DLGAP2: variants seen among roughly 807,000 people sequenced by gnomAD.
DLGAP2 encodes the protein DLG associated protein 2.
DLGAP2 carries 26 observed loss-of-function variants against 100.3 expected under a neutral mutation model. The observed-to-expected ratio is 0.26, with a 90% CI of 0.19 to 0.36. DLGAP2 has a LOEUF of 0.36. Ranked by LOEUF, DLGAP2 falls within the 10% of genes least tolerant of loss-of-function variation. The pLI, the probability that DLGAP2 is intolerant of heterozygous loss-of-function variation, is 1.00. For missense variants in DLGAP2, 1,858 were observed against 1,453.2 expected (o/e 1.28, Z -4.53); for synonymous variants, 886 against 630.1 (o/e 1.41, Z -6.08).
intron 3 of DLGAP2, among the ~76,000 whole-genome samples, chr8:1,425,454 TTAAG>T (rs781561410): frequency 6.6e-5 from 10 of 152,064 alleles, no homozygotes; most frequent in African/African-American, 1.2e-4. Context: ...TGGTACCTGT[TTAAG>T]AAAGAAAGAA....
intron 2 of DLGAP2, among the ~76,000 whole-genome samples, chr8:1,112,731 A>G (rs1356983907): frequency 2.6e-5 from 4 of 152,154 alleles, no homozygotes; most frequent in Non-Finnish European, 2.9e-5. Context: ...ATTGGATCCC[A>G]TTTGTCAATT....
At chr8:1,677,651 C>G (rs1353699276) in intron 11 of DLGAP2, among the ~76,000 whole-genome samples, 3 of 152,192 alleles carry the variant, frequency 2.0e-5, no homozygotes, top group African/African-American at 4.8e-5. Flanking sequence ...TGGTGATCAG[C>G]TATGTGGAAA....
intron 6 of DLGAP2, among the ~76,000 whole-genome samples, chr8:1,567,592 C>T (rs1802454181): frequency 1.3e-5 from 2 of 152,178 alleles, no homozygotes; most frequent in South Asian, 2.1e-4. Flanking sequence ...CCACGGGTCC[C>T]CCAGGATCAT....
intron 6 of DLGAP2, among the ~76,000 whole-genome samples, chr8:1,605,329 CT>C (rs1265617659): frequency 4.6e-5 from 7 of 152,174 alleles, no homozygotes; most frequent in Non-Finnish European, 1.0e-4. Flanking sequence ...TTGATTCGCA[CT>C]TCCGTCGCCA....
chr8:1,090,076 T>C (rs1364635356), intron 2 of DLGAP2, among the ~76,000 whole-genome samples: 2 of 140,546 alleles, frequency 1.4e-5, no homozygotes, highest in African/African-American at 5.4e-5. Context: ...CTGTCTGCAC[T>C]CTGGAGCCCT....
At chr8:843,630 G>T (rs1273649229) in intron 1 of DLGAP2, among the ~76,000 whole-genome samples, 1 of 152,208 alleles carries the variant, frequency 6.6e-6, no homozygotes, top group Non-Finnish European at 1.5e-5. Flanking sequence ...TGGGCTGTCT[G>T]GTCACCTGGT....
chr8:1,157,096 G>A (rs996678456), intron 2 of DLGAP2, among the ~76,000 whole-genome samples: 1 of 152,124 alleles, frequency 6.6e-6, no homozygotes, highest in African/African-American at 2.4e-5. Flanking sequence ...CAGAAGTTTT[G>A]ACAGACTTTG....
intron 3 of DLGAP2, among the ~76,000 whole-genome samples, chr8:1,468,474 G>A (rs1038443195): frequency 4.0e-5 from 6 of 151,430 alleles, no homozygotes; most frequent in Non-Finnish European, 8.8e-5. Context: ...GGTTCACATC[G>A]CATGGATCCG....
intron 2 of DLGAP2, among the ~76,000 whole-genome samples, chr8:926,156 G>A (rs995902611): frequency 1.3e-5 from 2 of 152,130 alleles, no homozygotes; most frequent in African/African-American, 4.8e-5. Flanking sequence ...TGAGCGGCTC[G>A]CCTGTGGTCG....
intron 1 of DLGAP2, among the ~76,000 whole-genome samples, chr8:843,786 A>C (rs1797025498): frequency 6.6e-6 from 1 of 152,238 alleles, no homozygotes. Context: ...ATTTAAAAAG[A>C]AAGCCTTAGA....
intron 1 of DLGAP2, among the ~76,000 whole-genome samples, chr8:804,437 G>A (rs948556863): frequency 3.3e-5 from 5 of 152,178 alleles, no homozygotes; most frequent in African/African-American, 9.6e-5. Flanking sequence ...CACCAGATAC[G>A]TACTTCTGTT....
chr8:808,111 T>C (rs1796302672), intron 1 of DLGAP2, among the ~76,000 whole-genome samples: 1 of 152,218 alleles, frequency 6.6e-6, no homozygotes, highest in Non-Finnish European at 1.5e-5. Context: ...ATGGCGGATG[T>C]GACACCTGCC....
At chr8:1,569,095 C>T (rs1397003641) in intron 6 of DLGAP2, among the ~76,000 whole-genome samples, 1 of 151,478 alleles carries the variant, frequency 6.6e-6, no homozygotes, top group African/African-American at 2.4e-5. Context: ...CTGCCCGTGG[C>T]CCCCATGCCA....
At chr8:994,760 C>T (rs945397987) in intron 2 of DLGAP2, among the ~76,000 whole-genome samples, 8 of 152,158 alleles carry the variant, frequency 5.3e-5, no homozygotes, top group African/African-American at 1.7e-4. Context: ...CAGGTCAGAC[C>T]TGCTCCCTTG....
Position 1,701,548 on chromosome 8 carries a change from G to A in DLGAP2, c.*142G>A, listed in dbSNP as rs1329693650. On this transcript the variant is annotated 3_prime_UTR_variant, in exon 15 of 15. Coordinates refer to ENST00000637795, the MANE Select transcript of DLGAP2 (RefSeq NM_001346810.2). ...GCTCCCCGCGCCCCGGACACAGCGG[G>A]ACGCGGCCGGCGGCCTCAGAGTCCA... is the stretch of plus-strand genomic sequence containing the variant. 1.1e-6 allele frequency: 1 copy of A among 918,146 alleles called. No individual in the cohort carries two copies. Among genetic ancestry groups the A allele is most frequent in the Non-Finnish European group, 1.6e-6 (1 of 629,830 alleles). The allele number at this position is 918,146 out of a possible 1,614,324, so 56.9% of individuals were successfully genotyped here.
intron 2 of DLGAP2, among the ~76,000 whole-genome samples, chr8:1,017,527 T>TGC (rs754957850): frequency 1.4e-5 from 1 of 70,996 alleles, no homozygotes; most frequent in East Asian, 3.6e-4. Flanking sequence ...ACGCCTCCAC[T>TGC]GTGTGTGACC....
intron 4 of DLGAP2, among the ~76,000 whole-genome samples, chr8:1,512,761 A>G (rs1046758199): frequency 7.9e-5 from 12 of 152,246 alleles, no homozygotes; most frequent in African/African-American, 2.9e-4. Context: ...GCTTTGACTT[A>G]TCAATCTAAA....
At chr8:801,764 A>G (rs1357822622) in intron 1 of DLGAP2, among the ~76,000 whole-genome samples, 1 of 152,164 alleles carries the variant, frequency 6.6e-6, no homozygotes, top group Non-Finnish European at 1.5e-5. Flanking sequence ...TAACGTTCAC[A>G]ATAGGCTGTT....
At chr8:1,379,286 G>A (rs748896367) in intron 3 of DLGAP2, among the ~76,000 whole-genome samples, 6 of 152,354 alleles carry the variant, frequency 3.9e-5, no homozygotes, top group East Asian at 1.9e-4. Flanking sequence ...CCACATCTTC[G>A]CTAAGTCACC....
Sources: allele counts gnomAD v4.1 joint callset (sites outside exome capture counted in the v4.1 genomes callset), GRCh38; gene constraint gnomAD v4.1.1; transcripts MANE v1.5; gene names NCBI Gene and HGNC (gene_info 2026-07-23, HGNC 2026-07-21).